The following CDH10 variants were observed in gnomAD, a reference collection of about 807,000 sequenced individuals.
CDH10 encodes the protein cadherin 10.
A neutral mutation model predicts 73.1 loss-of-function variants in CDH10; 30 were observed. That is an observed-to-expected ratio of 0.41 (90% confidence interval 0.31 to 0.56). The LOEUF is 0.56. Among genes scored for constraint, CDH10 ranks in the 20% least tolerant of loss-of-function variants. The pLI is 0.27. For missense variants in CDH10, 815 were observed against 973.7 expected (o/e 0.84, Z 2.17); for synonymous variants, 345 against 348.2 (o/e 0.99, Z 0.10).
At chr5:24,494,421 T>C (rs559515795) in intron 9 of CDH10, among the ~76,000 whole-genome samples, 2 of 151,972 alleles carry the variant, frequency 1.3e-5, no homozygotes, top group South Asian at 4.1e-4. Flanking sequence ...ATGACATAAA[T>C]GGAATAACAT....
chr5:24,492,923 T>A lies in CDH10; in HGVS notation c.1518A>T (p.Leu506=), dbSNP rs924712465. The A allele has an allele frequency of 1.2e-5, 16 of 1,374,348 alleles. No individual in the cohort carries two copies. The highest frequency in any genetic ancestry group is 3.4e-5 in the Admixed American group (2 of 59,380). The allele number at this position is 1,374,348 out of a possible 1,614,324, so 85.1% of individuals were successfully genotyped here. ...TGTCTACTGCACTTATAGTCTGTAT[T>A]AGCTGCAGAAAAAGAAAAATATATC... is the stretch of plus-strand genomic sequence containing the variant. ...FVCENARPGQ[L]IQTISAVDKD... Residue 506 remains leucine, a splice_region_variant and synonymous_variant, in exon 10 of 12, where the codon CTA becomes CTT. Coordinates refer to ENST00000264463, the MANE Select transcript of CDH10 (RefSeq NM_006727.5).
chr5:24,634,353 T>A (rs1297193207), intron 1 of CDH10, among the ~76,000 whole-genome samples: 1 of 151,864 alleles, frequency 6.6e-6, no homozygotes, highest in Non-Finnish European at 1.5e-5. Context: ...TATGTCAAAG[T>A]TTTTAGCCTT....
chr5:24,542,173 C>T (rs1315236722), intron 2 of CDH10, among the ~76,000 whole-genome samples: 1 of 151,780 alleles, frequency 6.6e-6, no homozygotes, highest in Non-Finnish European at 1.5e-5. Flanking sequence ...TAGTTTAAGA[C>T]CATTTTAAAA....
At chr5:24,489,485 A>T (rs1741970760) in intron 11 of CDH10, among the ~76,000 whole-genome samples, 1 of 152,156 alleles carries the variant, frequency 6.6e-6, no homozygotes, top group Non-Finnish European at 1.5e-5. Context: ...CTAAATTCAT[A>T]TATTTATGCA....
intron 6 of CDH10, 39 bp from the exon 7 acceptor site, chr5:24,509,858 A>C (rs762900415): frequency 6.5e-7 from 1 of 1,539,648 alleles, no homozygotes; most frequent in South Asian, 1.2e-5. Context: ...GAGTGAGGGA[A>C]ATTGGATGAT....
At chr5:24,548,480 CTT>C (rs70965609) in intron 2 of CDH10, among the ~76,000 whole-genome samples, 393 of 108,686 alleles carry the variant, frequency 3.6e-3, no homozygotes, top group Middle Eastern at 0.021. Flanking sequence ...CAGTCCTCCT[CTT>C]TTTTTTTTTT....
intron 1 of CDH10, among the ~76,000 whole-genome samples, chr5:24,622,547 A>C (rs1747352728): frequency 6.6e-6 from 1 of 152,178 alleles, no homozygotes; most frequent in South Asian, 2.1e-4. Context: ...TAGAGAATGG[A>C]TTACCATTCT....
intron 9 of CDH10, among the ~76,000 whole-genome samples, chr5:24,496,746 G>A (rs185704848): frequency 7.2e-5 from 11 of 152,212 alleles, no homozygotes; most frequent in Admixed American, 5.9e-4. Flanking sequence ...AGGAGAGTCA[G>A]AGCTAACAAA....
chr5:24,573,619 T>C (rs2112030901), intron 2 of CDH10, among the ~76,000 whole-genome samples: 1 of 148,774 alleles, frequency 6.7e-6, no homozygotes, highest in East Asian at 2.0e-4. Context: ...GAGAATGGCG[T>C]GAACCCGGGA....
intron 1 of CDH10, among the ~76,000 whole-genome samples, chr5:24,608,683 A>T (rs1291991000): frequency 1.3e-5 from 2 of 152,230 alleles, no homozygotes; most frequent in East Asian, 3.8e-4. Flanking sequence ...ACATTTAAAA[A>T]TTTTTAATCA....
At chr5:24,591,539 C>T (rs191637083) in intron 2 of CDH10, among the ~76,000 whole-genome samples, 28 of 151,910 alleles carry the variant, frequency 1.8e-4, no homozygotes, top group African/African-American at 6.3e-4. Context: ...TATCAAGATG[C>T]ATATATATTA....
intron 2 of CDH10, among the ~76,000 whole-genome samples, chr5:24,567,635 A>G (rs1377605167): frequency 6.6e-6 from 1 of 152,086 alleles, no homozygotes; most frequent in Non-Finnish European, 1.5e-5. Flanking sequence ...GTGGTTGCCT[A>G]TTGAAATAGG....
intron 8 of CDH10, among the ~76,000 whole-genome samples, chr5:24,504,831 C>G (rs961141334): frequency 3.3e-5 from 5 of 151,894 alleles, no homozygotes; most frequent in African/African-American, 1.2e-4. Flanking sequence ...GCCTGTTAAT[C>G]TGTTTCATGT....
At chr5:24,552,873 G>T (rs1425173428) in intron 2 of CDH10, among the ~76,000 whole-genome samples, 2 of 152,048 alleles carry the variant, frequency 1.3e-5, no homozygotes, top group Non-Finnish European at 2.9e-5. Context: ...TTGGAGATAA[G>T]ATAAATCTCC....
At chr5:24,570,577 G>A (rs1579823377) in intron 2 of CDH10, among the ~76,000 whole-genome samples, 3 of 152,054 alleles carry the variant, frequency 2.0e-5, no homozygotes, top group Admixed American at 1.3e-4. Context: ...GAGCATTCCC[G>A]AATACATATT....
At chr5:24,518,525 T>C (rs1005276863) in intron 5 of CDH10, among the ~76,000 whole-genome samples, 1 of 152,066 alleles carries the variant, frequency 6.6e-6, no homozygotes, top group African/African-American at 2.4e-5. Context: ...AATGGACAGT[T>C]TTACCAAGCT....
intron 1 of CDH10, among the ~76,000 whole-genome samples, chr5:24,633,429 A>G (rs1579490558): frequency 6.6e-6 from 1 of 151,824 alleles, no homozygotes; most frequent in Non-Finnish European, 1.5e-5. Flanking sequence ...CTTCCAATGA[A>G]CCCACTGAAA....
chr5:24,489,679 A>G (rs1352804847), intron 11 of CDH10, among the ~76,000 whole-genome samples: 2 of 152,158 alleles, frequency 1.3e-5, no homozygotes, highest in Non-Finnish European at 2.9e-5. Flanking sequence ...CACAAAAAAT[A>G]GGTTTAAACT....
chr5:24,577,623 G>A (rs1745652120), intron 2 of CDH10, among the ~76,000 whole-genome samples: 1 of 151,934 alleles, frequency 6.6e-6, no homozygotes, highest in Admixed American at 6.6e-5. Context: ...ATTCTTATCA[G>A]GTATATGTCT....
Sources: allele counts gnomAD v4.1 joint callset (sites outside exome capture counted in the v4.1 genomes callset), GRCh38; gene constraint gnomAD v4.1.1; transcripts MANE v1.5; gene names NCBI Gene and HGNC (gene_info 2026-07-23, HGNC 2026-07-21).